The following EXTL3 variants were observed in gnomAD, a reference collection of about 807,000 sequenced individuals.
EXTL3 encodes exostosin-like 3.
EXTL3 carries 27 observed loss-of-function variants against 69.3 expected under a neutral mutation model. The observed-to-expected ratio is 0.39, with a 90% CI of 0.29 to 0.54. EXTL3 has a LOEUF of 0.54. Among genes scored for constraint, EXTL3 ranks in the 20% least tolerant of loss-of-function variants. EXTL3 has a pLI of 0.69. For synonymous variants in EXTL3, 511 were observed against 499.4 expected (o/e 1.02, Z -0.31); for missense variants, 1,003 against 1,231.8 (o/e 0.81, Z 2.78).
At position 28,706,688 on chromosome 8, in the gene EXTL3, G is replaced by T. The variant is rs571340087; in HGVS notation, c.-570+5029G>T. Among the ~76,000 whole-genome samples the T allele has an allele frequency of 4.6e-5, 7 of 152,232 alleles. No homozygotes were observed. The East Asian group carries it at 1.2e-3, about 25-fold the overall frequency. On this transcript the variant is annotated intron_variant, in intron 1 of 6. Coordinates refer to ENST00000220562, the MANE Select transcript of EXTL3 (RefSeq NM_001440.4). The stretch of plus-strand genomic sequence containing the variant: ...TCTTGTTTGAAATGTGTATTTCTTT[G>T]ATCGCTAGGAAGGTTAAACATATAA...
intron 5 of EXTL3, 123 bp from the exon 6 acceptor site, chr8:28,742,963 G>A: frequency 1.0e-6 from 1 of 996,600 alleles, no homozygotes; most frequent in Non-Finnish European, 1.6e-6. Context: ...GTCCCTAAGT[G>A]CCAGTAATAC....
At chr8:28,748,417 G>C (rs1801934670) in intron 6 of EXTL3, among the ~76,000 whole-genome samples, 1 of 151,942 alleles carries the variant, frequency 6.6e-6, no homozygotes, top group Non-Finnish European at 1.5e-5. Context: ...GTACTATAGT[G>C]GATTAGGTAG....
At chr8:28,704,155 A>G (rs1800869877) in intron 1 of EXTL3, among the ~76,000 whole-genome samples, 1 of 152,206 alleles carries the variant, frequency 6.6e-6, no homozygotes, top group African/African-American at 2.4e-5. Context: ...ATAGAAGAGG[A>G]TTGGGGAGAC....
chr8:28,607,954 C>T (rs1806219119), intron 2 of EXTL3, among the ~76,000 whole-genome samples: 1 of 151,184 alleles, frequency 6.6e-6, no homozygotes, highest in African/African-American at 2.5e-5. Context: ...CTACTAAATA[C>T]AAAAAATTAG....
rs368848932 is a variant in EXTL3 at position 28,692,058 on chromosome 8, T to G, written c.-52-21399T>G. Among the ~76,000 whole-genome samples the G allele has an allele frequency of 5.9e-5, 9 of 152,212 alleles. No homozygotes were observed. In the South Asian group the frequency reaches 6.2e-4, roughly 10 times the overall value. ...ACACATTTCACAGATATTTAATATA[T>G]TTTTTGAGTATTTGCATCATTTATG... is the stretch of plus-strand genomic sequence containing the variant. On this transcript the variant is annotated intron_variant, in intron 1 of 6. Coordinates refer to the EXTL3 transcript ENST00000523149.
Position 28,717,687 on chromosome 8 carries a change from C to T in EXTL3, c.1628C>T (p.Ala543Val). ...MIRTRIQIPA[A>V]PIREEAAAEI... ...AGGACTCGCATCCAGATCCCAGCCG[C>T]TCCCATCCGGGAAGAGGCGGCAGCT... The change falls in exon 3 of 7, where the codon GCT (alanine) becomes GTT (valine). Residue 543 changes from alanine to valine, a missense_variant. Ala to Val is a moderately conservative substitution (Grantham distance 64, BLOSUM62 0). Around this residue, in one of 2 missense-constraint regions of EXTL3, gnomAD observed 742 missense variants for 815.4 expected, o/e 0.91. Coordinates refer to ENST00000220562, the MANE Select transcript of EXTL3 (RefSeq NM_001440.4). The surrounding 1 kb of genome is among the most constrained non-coding windows in gnomAD (Gnocchi z 8.3). 6.2e-7 allele frequency: 1 copy of T among 1,614,248 alleles called. No homozygotes were observed. Among genetic ancestry groups the T allele is most frequent in the South Asian group, 1.1e-5 (1 of 91,084 alleles).
chr8:28,640,720 A>T (rs994536949), intron 1 of EXTL3, among the ~76,000 whole-genome samples: 1 of 152,156 alleles, frequency 6.6e-6, no homozygotes, highest in African/African-American at 2.4e-5. Flanking sequence ...CTCCTGCCTC[A>T]GCCTCCCAAG....
At chr8:28,703,921 A>G (rs1800865518) in intron 1 of EXTL3, among the ~76,000 whole-genome samples, 1 of 152,202 alleles carries the variant, frequency 6.6e-6, no homozygotes, top group Admixed American at 6.5e-5. Flanking sequence ...GAGAGGGAAG[A>G]AAGGATTTTT....
chr8:28,737,369 G>T, intron 4 of EXTL3, 150 bp from the exon 5 acceptor site: 2 of 823,472 alleles, frequency 2.4e-6, no homozygotes, highest in Non-Finnish European at 4.1e-6. Flanking sequence ...ATCCTGTTTG[G>T]CTTGTTGTTG....
At chr8:28,637,438 TTC>T (rs1246009443) in intron 1 of EXTL3, 1 of 152,312 alleles carries the variant, frequency 6.6e-6, no homozygotes, top group Non-Finnish European at 1.5e-5. Flanking sequence ...GAGTAAGTTT[TTC>T]TCTCTTTCTA....
chr8:28,671,878 T>G (rs1807300279), intron 1 of EXTL3, among the ~76,000 whole-genome samples: 1 of 152,206 alleles, frequency 6.6e-6, no homozygotes. Flanking sequence ...GAACAGAATT[T>G]AAAGTGTTAG....
At chr8:28,708,253 C>G (rs1439548089) in intron 1 of EXTL3, among the ~76,000 whole-genome samples, 2 of 152,096 alleles carry the variant, frequency 1.3e-5, no homozygotes, top group Non-Finnish European at 2.9e-5. Flanking sequence ...TTTTTAATTG[C>G]TGAGGATGTT....
upstream of EXTL3, among the ~76,000 whole-genome samples, chr8:28,619,707 C>T (rs1462047978): frequency 1.3e-5 from 2 of 152,118 alleles, no homozygotes; most frequent in Non-Finnish European, 2.9e-5. Context: ...TGTTCAGTGA[C>T]CTCATGTCAG....
chr8:28,657,953 A>G (rs1035863408), intron 1 of EXTL3, among the ~76,000 whole-genome samples: 6 of 152,134 alleles, frequency 3.9e-5, no homozygotes, highest in Non-Finnish European at 7.4e-5. Flanking sequence ...ACACAATTAA[A>G]GCCAGCTGCT....
In EXTL3 at chr8:28,754,211, A is replaced by G. The variant is rs1802071791; in HGVS notation, c.*3345A>G. On this transcript the variant is annotated 3_prime_UTR_variant, in exon 7 of 7. Transcript: ENST00000220562. ...CCGAGCTGACGCTCCCTGACTGCAGAGCCCCATCCTGTTGGTGCCCACAGG... is the reference window on the plus strand; with the variant it reads ...CCGAGCTGACGCTCCCTGACTGCAGGGCCCCATCCTGTTGGTGCCCACAGG... 1 of 152,300 alleles carries G rather than the reference A, an allele frequency of 6.6e-6. No individual in the cohort carries two copies. The highest frequency in any genetic ancestry group is 1.5e-5 in the Non-Finnish European group (1 of 68,168). The allele number at this position is 152,300 out of a possible 1,614,324, so 9.4% of individuals were successfully genotyped here. A position where few individuals can be genotyped will look rare whatever the true frequency, so the allele number is the denominator to read the frequency against.
chr8:28,619,579 C>A (rs1806379326), upstream of EXTL3, among the ~76,000 whole-genome samples: 2 of 152,038 alleles, frequency 1.3e-5, no homozygotes, highest in African/African-American at 4.8e-5. Context: ...CTGCTCCTAA[C>A]CCCTAAGGGC....
At chr8:28,726,879 CTTTTTTTTTTTTT>C (rs11458194) in intron 3 of EXTL3, among the ~76,000 whole-genome samples, 14 of 99,946 alleles carry the variant, frequency 1.4e-4, no homozygotes, top group African/African-American at 4.5e-4. Context: ...CTTTTCTTTT[CTTTTTTTTTTTTT>C]TTTTTTTTGA....
At position 28,609,404 on chromosome 8, in the gene EXTL3, G is replaced by A. The variant is rs559457670; in HGVS notation, n.314+1646G>A. On this transcript the variant is annotated intron_variant and non_coding_transcript_variant, in intron 2 of 4. Transcript: ENST00000522725. ...TGGAGAGTGGACTTGGGTGCATTTC[G>A]GACATGGATTCCACAAGCGATAAAG... Among the ~76,000 whole-genome samples the A allele has an allele frequency of 4.0e-5, 6 of 151,818 alleles. No homozygotes were observed. The East Asian group carries it at 9.7e-4, about 24-fold the overall frequency.
At chr8:28,701,453 G>C (rs1383866092), upstream of EXTL3, 4 of 151,884 alleles carry the variant, frequency 2.6e-5, no homozygotes, top group Admixed American at 6.6e-5. Flanking sequence ...GCCCCCGCTC[G>C]CGAACGCCGG....
Sources: allele counts gnomAD v4.1 joint callset (sites outside exome capture counted in the v4.1 genomes callset), GRCh38; gene constraint gnomAD v4.1.1; regional missense constraint gnomAD v4.1.1; non-coding constraint Gnocchi (gnomAD v3.1); transcripts MANE v1.5; gene names NCBI Gene and HGNC (gene_info 2026-07-23, HGNC 2026-07-21).